LRP1B: variants seen among roughly 807,000 people sequenced by gnomAD.
LRP1B encodes low-density lipoprotein receptor-related protein 1B.
A neutral mutation model predicts 556.6 loss-of-function variants in LRP1B; 217 were observed. That is an observed-to-expected ratio of 0.39 (90% confidence interval 0.35 to 0.44). The LOEUF is 0.44. Among genes scored for constraint, LRP1B ranks in the 20% least tolerant of loss-of-function variants. The pLI is 1.00. For missense variants in LRP1B, 5,053 were observed against 5,620.8 expected (o/e 0.90, Z 3.23); for synonymous variants, 2,047 against 1,865.8 (o/e 1.10, Z -2.50).
intron 83 of LRP1B, among the ~76,000 whole-genome samples, chr2:140,306,128 T>A (rs897719257): frequency 1.4e-5 from 2 of 142,364 alleles, no homozygotes; most frequent in African/African-American, 5.0e-5. Context: ...TTTTGTTGTG[T>A]CTCTGCCAGG....
chr2:141,697,185 C>T (rs775500645), intron 2 of LRP1B, among the ~76,000 whole-genome samples: 2 of 151,730 alleles, frequency 1.3e-5, no homozygotes, highest in African/African-American at 2.4e-5. Context: ...ATAAAACAGC[C>T]GTTTCTTCTC....
At chr2:141,798,705 CAAAAAAAAA>C (rs151310050) in intron 2 of LRP1B, among the ~76,000 whole-genome samples, 7 of 62,116 alleles carry the variant, frequency 1.1e-4, no homozygotes, top group African/African-American at 4.0e-4. Context: ...GACTCTGTCT[CAAAAAAAAA>C]AAAAAAAAAA....
intron 1 of LRP1B, among the ~76,000 whole-genome samples, chr2:142,049,208 G>A (rs997603535): frequency 1.3e-5 from 2 of 152,002 alleles, no homozygotes; most frequent in African/African-American, 4.8e-5. Context: ...GGTCAACAAA[G>A]CATTTCACAG....
At chr2:141,612,915 G>A (rs745846320) in intron 2 of LRP1B, among the ~76,000 whole-genome samples, 3 of 151,834 alleles carry the variant, frequency 2.0e-5, no homozygotes, top group African/African-American at 4.8e-5. Context: ...CCATTTTCCC[G>A]CCTCAGCCTC....
intron 3 of LRP1B, among the ~76,000 whole-genome samples, chr2:141,417,832 C>G (rs1204545634): frequency 2.0e-5 from 3 of 150,040 alleles, no homozygotes; most frequent in Non-Finnish European, 3.0e-5. Context: ...TATCTACCAA[C>G]AGCACACAAG....
chr2:141,876,134 A>T (rs930613408), intron 1 of LRP1B, among the ~76,000 whole-genome samples: 2 of 152,002 alleles, frequency 1.3e-5, no homozygotes, highest in Non-Finnish European at 2.9e-5. Context: ...GGAAAATCTG[A>T]TATGATGAGT....
Position 141,824,633 on chromosome 2 carries a change from G to T in LRP1B, c.83-14232C>A, listed in dbSNP as rs550310973. Among the ~76,000 whole-genome samples the T allele has an allele frequency of 2.6e-5, 4 of 152,304 alleles. No homozygotes were observed. The South Asian group carries it at 6.2e-4, about 24-fold the overall frequency. On this transcript the variant is annotated intron_variant, in intron 1 of 90. Transcript: ENST00000389484. The stretch of plus-strand genomic sequence containing the variant: ...CTTCCAAAGTGCTGGGATTACAGGC[G>T]TGAGCCACCGCGTCCGGCATAAACA...
intron 6 of LRP1B, among the ~76,000 whole-genome samples, chr2:141,192,877 T>C (rs1681580011): frequency 6.6e-6 from 1 of 152,046 alleles, no homozygotes; most frequent in African/African-American, 2.4e-5. Context: ...TTGTTATTTG[T>C]TAGATTTAAA....
chr2:141,096,636 GAGAGAGAGAGAGA>G (rs1700320678), intron 7 of LRP1B, among the ~76,000 whole-genome samples: 1 of 58,686 alleles, frequency 1.7e-5, no homozygotes, highest in African/African-American at 6.1e-5. Flanking sequence ...GGGGGAGAGA[GAGAGAGAGAGAGA>G]GAGAGAGAGA....
At chr2:140,861,107 C>A (rs1692782139) in intron 27 of LRP1B, among the ~76,000 whole-genome samples, 1 of 151,968 alleles carries the variant, frequency 6.6e-6, no homozygotes, top group Non-Finnish European at 1.5e-5. Flanking sequence ...CTTCTAACTG[C>A]CTAAAAGAGA....
At chr2:140,432,399 A>G (rs1685989794) in intron 66 of LRP1B, among the ~76,000 whole-genome samples, 2 of 152,202 alleles carry the variant, frequency 1.3e-5, no homozygotes, top group South Asian at 2.1e-4. Flanking sequence ...CACAACGAAC[A>G]TGAACATTTC....
intron 66 of LRP1B, among the ~76,000 whole-genome samples, chr2:140,426,711 C>A (rs1015973613): frequency 1.3e-5 from 2 of 152,284 alleles, no homozygotes; most frequent in South Asian, 4.1e-4. Context: ...TGACTCTTTT[C>A]GGACTCAGCC....
At chr2:141,438,471 T>C (rs913200530) in intron 3 of LRP1B, among the ~76,000 whole-genome samples, 2 of 152,188 alleles carry the variant, frequency 1.3e-5, no homozygotes, top group Non-Finnish European at 1.5e-5. Flanking sequence ...ATTACACATA[T>C]GCCTGCCACT....
chr2:141,076,324 G>T (rs771946047), intron 7 of LRP1B, among the ~76,000 whole-genome samples: 25 of 152,206 alleles, frequency 1.6e-4, no homozygotes, highest in Non-Finnish European at 3.1e-4. Context: ...TCAACAACCA[G>T]TTGTGTAGGG....
At chr2:140,577,733 T>C (rs1681589325) in intron 43 of LRP1B, among the ~76,000 whole-genome samples, 1 of 152,150 alleles carries the variant, frequency 6.6e-6, no homozygotes, top group Non-Finnish European at 1.5e-5. Flanking sequence ...GCACTACAGA[T>C]TTTAGAATTT....
At chr2:141,497,836 T>C (rs1033264030) in intron 2 of LRP1B, among the ~76,000 whole-genome samples, 1 of 151,878 alleles carries the variant, frequency 6.6e-6, no homozygotes, top group East Asian at 1.9e-4. Context: ...ATAAAGACAT[T>C]TAACCTGACT....
At chr2:141,954,874 G>A (rs967682071) in intron 1 of LRP1B, among the ~76,000 whole-genome samples, 2 of 152,004 alleles carry the variant, frequency 1.3e-5, no homozygotes, top group Non-Finnish European at 2.9e-5. Flanking sequence ...ACATGTTTTA[G>A]TTCTTATATG....
At chr2:140,831,344 G>A (rs553545332) in intron 31 of LRP1B, among the ~76,000 whole-genome samples, 5 of 152,006 alleles carry the variant, frequency 3.3e-5, no homozygotes, top group South Asian at 4.1e-4. Flanking sequence ...AGTGGAACAC[G>A]CTAGAGAACT....
intron 6 of LRP1B, among the ~76,000 whole-genome samples, chr2:141,206,376 T>C (rs1031413265): frequency 4.4e-4 from 67 of 151,918 alleles, no homozygotes; most frequent in African/African-American, 1.6e-3. Context: ...GGTCAGCAGA[T>C]CGAGACCATC....
Sources: allele counts gnomAD v4.1 joint callset (sites outside exome capture counted in the v4.1 genomes callset), GRCh38; gene constraint gnomAD v4.1.1; transcripts MANE v1.5; gene names NCBI Gene and HGNC (gene_info 2026-07-23, HGNC 2026-07-21).